The following TULP4 variants were observed in gnomAD, a reference collection of about 807,000 sequenced individuals.
TULP4 encodes the protein TUB like protein 4.
In TULP4, 16 loss-of-function variants were observed where a neutral mutation model predicts 129.0. The ratio of observed to expected loss-of-function variants is 0.12; its 90% CI spans 0.08 to 0.19. The LOEUF (loss-of-function observed/expected upper bound fraction) is 0.19. Among genes scored for constraint, TULP4 ranks in the 10% least tolerant of loss-of-function variants. The probability of loss-of-function intolerance (pLI) is 1.00; values close to 1 mark genes in which losing one functional copy is unlikely to be tolerated. For missense variants in TULP4, 1,842 were observed against 2,059.1 expected (o/e 0.89, Z 2.04); for synonymous variants, 998 against 854.0 (o/e 1.17, Z -2.94).
intron 1 of TULP4, among the ~76,000 whole-genome samples, chr6:158,395,458 G>A (rs1212525230): frequency 6.6e-6 from 1 of 151,932 alleles, no homozygotes; most frequent in East Asian, 1.9e-4. Flanking sequence ...GTACTTGCCT[G>A]TAATCCCAGC....
chr6:158,394,218 C>G (rs747180594), intron 1 of TULP4, among the ~76,000 whole-genome samples: 9 of 152,184 alleles, frequency 5.9e-5, no homozygotes, highest in Non-Finnish European at 1.3e-4. Context: ...CTCCATTTCC[C>G]AGTAAGTTCT....
chr6:158,418,399 C>CTTTTT (rs772179433), intron 2 of TULP4, among the ~76,000 whole-genome samples: 1 of 127,488 alleles, frequency 7.8e-6, no homozygotes, highest in Non-Finnish European at 1.7e-5. Context: ...TGAGCCACCA[C>CTTTTT]TTTTTTTTTT....
chr6:158,428,504 C>T (rs1056579863), intron 2 of TULP4: 4 of 152,138 alleles, frequency 2.6e-5, no homozygotes, highest in African/African-American at 9.7e-5. Context: ...TGTAAAAATC[C>T]ATACAAATAA....
intron 1 of TULP4, among the ~76,000 whole-genome samples, chr6:158,385,749 C>T (rs1255995489): frequency 7.1e-6 from 1 of 140,824 alleles, no homozygotes; most frequent in African/African-American, 2.6e-5. Flanking sequence ...TTCCTTATAA[C>T]TTTTACCCTC....
chr6:158,448,080 G>A (rs1022875295), intron 3 of TULP4, among the ~76,000 whole-genome samples: 13 of 152,312 alleles, frequency 8.5e-5, no homozygotes, highest in African/African-American at 1.7e-4. Flanking sequence ...GGTTGGTGGC[G>A]GCAGGGGGGA....
chr6:158,494,319 C>G (rs984897507), intron 10 of TULP4, among the ~76,000 whole-genome samples: 8 of 152,036 alleles, frequency 5.3e-5, no homozygotes, highest in African/African-American at 1.9e-4. Flanking sequence ...TTATTTTTGC[C>G]CTTGCATACA....
At chr6:158,232,206 C>A (rs1012116362), upstream of TULP4, 1 of 147,718 alleles carries the variant, frequency 6.8e-6, no homozygotes, top group East Asian at 1.9e-4. Flanking sequence ...GAGACTCGGC[C>A]GAGACGCGGG....
At chr6:158,263,830 A>C (rs1338014001) in intron 1 of TULP4, among the ~76,000 whole-genome samples, 1 of 152,136 alleles carries the variant, frequency 6.6e-6, no homozygotes, top group African/African-American at 2.4e-5. Flanking sequence ...TGGGAGGCCT[A>C]GGCGGGCGGA....
At chr6:158,387,119 A>G (rs1777466188) in intron 1 of TULP4, among the ~76,000 whole-genome samples, 1 of 152,154 alleles carries the variant, frequency 6.6e-6, no homozygotes, top group African/African-American at 2.4e-5. Context: ...TCCTCAGAAA[A>G]GAGAAGCTGT....
intron 1 of TULP4, among the ~76,000 whole-genome samples, chr6:158,248,132 T>G (rs747354087): frequency 6.6e-6 from 1 of 152,162 alleles, no homozygotes; most frequent in Non-Finnish European, 1.5e-5. Flanking sequence ...GTTAACAGAT[T>G]AGAGAATGCC....
chr6:158,306,357 G>C (rs1779216183), intron 1 of TULP4, among the ~76,000 whole-genome samples: 1 of 152,172 alleles, frequency 6.6e-6, no homozygotes, highest in Admixed American at 6.5e-5. Context: ...GAGTTTTCGA[G>C]ACTAACCTGG....
chr6:158,269,443 A>G (rs1778508095), intron 1 of TULP4, among the ~76,000 whole-genome samples: 1 of 152,016 alleles, frequency 6.6e-6, no homozygotes, highest in Admixed American at 6.6e-5. Flanking sequence ...ATGGAGTAAG[A>G]TGCAAAGTGG....
Position 158,452,041 on chromosome 6 carries a change from A to G in TULP4, c.725-93A>G, listed in dbSNP as rs182063467. The G allele has an allele frequency of 5.8e-5, 90 of 1,555,968 alleles. No individual in the cohort carries two copies. The Admixed American group carries it at 1.0e-3, about 18-fold the overall frequency. On this transcript the variant is annotated intron_variant, in intron 4 of 13. Transcript: ENST00000367097. The stretch of plus-strand genomic sequence containing the variant: ...AGAGTAGGATCTGCATTGTCAGGCA[A>G]TTTCTAAGGCACCATGCAAGATTTC...
intron 3 of TULP4, among the ~76,000 whole-genome samples, chr6:158,446,199 T>A (rs1779034331): frequency 6.6e-6 from 1 of 152,258 alleles, no homozygotes; most frequent in South Asian, 2.1e-4. Flanking sequence ...TTTAAAAATC[T>A]GATTTTATGT....
chr6:158,427,522 T>C (rs1480673972), intron 2 of TULP4, among the ~76,000 whole-genome samples: 2 of 117,166 alleles, frequency 1.7e-5, no homozygotes, highest in African/African-American at 3.2e-5. Flanking sequence ...TGAGACGGAG[T>C]CTCGCTCTGT....
chr6:158,239,971 G>T (rs1248022828), intron 1 of TULP4, among the ~76,000 whole-genome samples: 3 of 101,588 alleles, frequency 3.0e-5, no homozygotes, highest in Non-Finnish European at 6.8e-5. Flanking sequence ...CTCCCGGACG[G>T]GGCGGCTGGC....
At chr6:158,462,023 T>C (rs1390520077) in intron 6 of TULP4, among the ~76,000 whole-genome samples, 1 of 152,204 alleles carries the variant, frequency 6.6e-6, no homozygotes, top group African/African-American at 2.4e-5. Context: ...TATTCACTTG[T>C]AGGAGAGGAA....
intron 6 of TULP4, among the ~76,000 whole-genome samples, chr6:158,474,657 GT>G (rs1779775200): frequency 6.6e-6 from 1 of 152,166 alleles, no homozygotes; most frequent in African/African-American, 2.4e-5. Flanking sequence ...TTATCAGGTA[GT>G]TCCTGTCACA....
intron 1 of TULP4, among the ~76,000 whole-genome samples, chr6:158,334,255 T>A (rs1308094158): frequency 6.6e-6 from 1 of 152,200 alleles, no homozygotes; most frequent in East Asian, 1.9e-4. Context: ...AAGAAAAAGT[T>A]GAATTACTTG....
Sources: gnomAD v4.1 joint callset for allele counts (sites outside exome capture counted in the v4.1 genomes callset) on GRCh38, gnomAD v4.1.1 for gene constraint, MANE v1.5 for transcripts, NCBI Gene and HGNC (gene_info 2026-07-23, HGNC 2026-07-21) for gene names.